The following SLMAP variants were observed in gnomAD, a reference collection of about 807,000 sequenced individuals.
The protein encoded by SLMAP is sarcolemma associated protein.
A neutral mutation model predicts 128.8 loss-of-function variants in SLMAP; 44 were observed. That is an observed-to-expected ratio of 0.34 (90% CI 0.27 to 0.44). The LOEUF (loss-of-function observed/expected upper bound fraction) is 0.44, where lower values mean the gene tolerates loss of function less well. Among genes scored for constraint, SLMAP ranks in the 20% least tolerant of loss-of-function variants. The pLI, the probability that SLMAP is intolerant of heterozygous loss-of-function variation, is 1.00. For missense variants in SLMAP, 787 were observed against 985.3 expected (o/e 0.80, Z 2.69); for synonymous variants, 327 against 348.8 (o/e 0.94, Z 0.70).
At chr3:57,844,425 AAAT>A (rs966424499) in intron 4 of SLMAP, among the ~76,000 whole-genome samples, 5 of 152,008 alleles carry the variant, frequency 3.3e-5, no homozygotes, top group African/African-American at 1.2e-4. Context: ...TTAAAAAAAA[AAAT>A]TGCATATAAT....
At chr3:57,913,371 A>G in intron 21 of SLMAP, 96 bp downstream of exon 21, 1 of 595,286 alleles carries the variant, frequency 1.7e-6, no homozygotes. Flanking sequence ...AATATTTTAC[A>G]GGAGCAAATG....
intron 2 of SLMAP, among the ~76,000 whole-genome samples, chr3:57,822,220 A>G (rs2092581956): frequency 6.6e-6 from 1 of 152,158 alleles, no homozygotes; most frequent in Admixed American, 6.6e-5. Context: ...TGCTTCAGGA[A>G]GTCTTTATAC....
intron 15 of SLMAP, chr3:57,890,628 C>G (rs2096039338): frequency 6.6e-6 from 1 of 152,002 alleles, no homozygotes; most frequent in Non-Finnish European, 1.5e-5. Context: ...CAGTAATTGC[C>G]CAAAGTAGTT....
At chr3:57,813,464 A>C (rs2091356567) in intron 2 of SLMAP, among the ~76,000 whole-genome samples, 1 of 152,140 alleles carries the variant, frequency 6.6e-6, no homozygotes, top group Non-Finnish European at 1.5e-5. Flanking sequence ...TTATAGTCTC[A>C]TGTCCAGGAC....
At chr3:57,795,266 A>G (rs1201193521) in intron 2 of SLMAP, among the ~76,000 whole-genome samples, 2 of 152,220 alleles carry the variant, frequency 1.3e-5, no homozygotes, top group East Asian at 1.9e-4. Context: ...GGGGCCGTGC[A>G]TGGTGGCTCA....
At chr3:57,826,630 G>C (rs993109458) in intron 2 of SLMAP, among the ~76,000 whole-genome samples, 14 of 152,088 alleles carry the variant, frequency 9.2e-5, no homozygotes, top group Admixed American at 3.3e-4. Flanking sequence ...TTTTCCCTCA[G>C]TTTGGAGCCC....
chr3:57,876,175 T>C (rs549297664), intron 14 of SLMAP, among the ~76,000 whole-genome samples: 1 of 152,340 alleles, frequency 6.6e-6, no homozygotes, highest in East Asian at 1.9e-4. Flanking sequence ...AAATCATTTA[T>C]TTCCATAAGG....
At chr3:57,898,113 A>T (rs981513128) in intron 17 of SLMAP, 1 of 152,088 alleles carries the variant, frequency 6.6e-6, no homozygotes, top group Non-Finnish European at 1.5e-5. Flanking sequence ...CCTTGTCCAG[A>T]CCCCGAGCTT....
chr3:57,886,104 T>TA (rs1223989714), intron 14 of SLMAP, among the ~76,000 whole-genome samples: 9 of 123,436 alleles, frequency 7.3e-5, no homozygotes, highest in African/African-American at 2.9e-4. Flanking sequence ...TTTAAAGATA[T>TA]AATTTTTTTT....
rs754874140 is a variant in SLMAP, at chr3:57,927,387, G to A, written c.*98G>A. Reference sequence around the variant, plus strand: ...CCAGGTCTGGCCAGAGCTTCTCCATGAGAGCGTTCCTTGAGTCCGTACACC... The same window carrying A: ...CCAGGTCTGGCCAGAGCTTCTCCATAAGAGCGTTCCTTGAGTCCGTACACC... On this transcript the variant is annotated 3_prime_UTR_variant, in exon 25 of 25. Transcript: ENST00000671191. The A allele has an allele frequency of 6.4e-7, 1 of 1,570,170 alleles. No individual in the cohort carries two copies. The highest frequency in any genetic ancestry group is 8.7e-7 in the Non-Finnish European group (1 of 1,146,534).
At chr3:57,862,109 A>T (rs762939147) in intron 10 of SLMAP, 23 bp downstream of exon 10, 1 of 1,534,496 alleles carries the variant, frequency 6.5e-7, no homozygotes, top group Non-Finnish European at 9.0e-7. Flanking sequence ...TCTGCCTGAA[A>T]GTATGTTAAG....
chr3:57,831,630 G>A, intron 3 of SLMAP, 100 bp downstream of exon 3: 1 of 826,894 alleles, frequency 1.2e-6, no homozygotes, highest in Non-Finnish European at 1.7e-6. Flanking sequence ...GCTTGTGAAA[G>A]CGATTTAAAT....
intron 18 of SLMAP, 68 bp from the exon 19 acceptor site, chr3:57,909,008 G>T: frequency 9.1e-7 from 1 of 1,093,004 alleles, no homozygotes; most frequent in Non-Finnish European, 1.4e-6. Flanking sequence ...GAAATTTTCA[G>T]CTGCTCAACT....
At position 57,899,797 on chromosome 3, in the gene SLMAP, A is replaced by G. The variant is rs145764636; in HGVS notation, c.1501+2865A>G. 4 of 152,296 alleles carry G rather than the reference A, an allele frequency of 2.6e-5. 1 individual carries two copies. The East Asian group carries it at 7.7e-4, about 29-fold the overall frequency. 9.4% of individuals were successfully genotyped at this position (152,296 alleles called of 1,614,324 possible). A position where few individuals can be genotyped will look rare whatever the true frequency, so the allele number is the denominator to read the frequency against. On this transcript the variant is annotated intron_variant, in intron 17 of 24. Transcript: ENST00000671191. ...GATTTTAAGAACAGACTGTCAAGTCAGTCAGTGATTGGATGTAAAGAAAAA... is the reference window on the plus strand; with the variant it reads ...GATTTTAAGAACAGACTGTCAAGTCGGTCAGTGATTGGATGTAAAGAAAAA...
At chr3:57,911,847 G>T (rs946139499) in intron 19 of SLMAP, among the ~76,000 whole-genome samples, 1 of 138,550 alleles carries the variant, frequency 7.2e-6, no homozygotes, top group Non-Finnish European at 1.5e-5. Context: ...ACAGAAAAAC[G>T]AATCAAGGGC....
intron 6 of SLMAP, among the ~76,000 whole-genome samples, chr3:57,855,327 G>A (rs1235589804): frequency 1.3e-5 from 2 of 151,036 alleles, no homozygotes; most frequent in Non-Finnish European, 3.0e-5. Flanking sequence ...GCAGTAAGCC[G>A]AGATCACACC....
chr3:57,823,654 A>G (rs2092704810), intron 2 of SLMAP, among the ~76,000 whole-genome samples: 1 of 152,126 alleles, frequency 6.6e-6, no homozygotes, highest in African/African-American at 2.4e-5. Flanking sequence ...AGTCTTTGCT[A>G]TTGTGAATAG....
intron 9 of SLMAP, 27 bp downstream of exon 9, chr3:57,860,866 A>G: frequency 6.5e-7 from 1 of 1,535,768 alleles, no homozygotes; most frequent in Non-Finnish European, 8.8e-7. Context: ...AAAAATACTA[A>G]ATAGTATTAT....
intron 2 of SLMAP, among the ~76,000 whole-genome samples, chr3:57,760,085 G>T (rs1013773654): frequency 2.6e-5 from 4 of 152,086 alleles, no homozygotes; most frequent in East Asian, 1.9e-4. Flanking sequence ...GATCACAGGC[G>T]CATGCCACCA....
Sources: gnomAD v4.1 joint callset for allele counts (sites outside exome capture counted in the v4.1 genomes callset) on GRCh38, gnomAD v4.1.1 for gene constraint, MANE v1.5 for transcripts, NCBI Gene and HGNC (gene_info 2026-07-23, HGNC 2026-07-21) for gene names.